The following TSPAN1 variants were observed in gnomAD, a reference collection of about 807,000 sequenced individuals.
The protein encoded by TSPAN1 is tetraspanin 1, also known as tetraspanin-1.
Under a neutral mutation model 26.9 loss-of-function variants are expected in TSPAN1, and 23 were observed. The observed-to-expected ratio is 0.85, with a 90% CI of 0.62 to 1.21. The LOEUF (loss-of-function observed/expected upper bound fraction) is 1.21, where lower values mean the gene tolerates loss of function less well. Ranked by LOEUF, TSPAN1 falls within the 50% of genes most tolerant of loss-of-function variation. The probability of loss-of-function intolerance (pLI) is 0.00; values close to 1 mark genes in which losing one functional copy is unlikely to be tolerated. For missense variants in TSPAN1, 283 were observed against 298.4 expected (o/e 0.95, Z 0.38); for synonymous variants, 115 against 114.8 (o/e 1.00, Z -0.01).
downstream of TSPAN1, chr1:46,189,835 G>T (rs374338433): frequency 2.4e-5 from 38 of 1,613,348 alleles, no homozygotes; most frequent in Non-Finnish European, 2.9e-5. Context: ...TCTCCAGGGT[G>T]GGCATGGTAT....
chr1:46,178,366 A>AC (rs1415506274), intron 1 of TSPAN1, among the ~76,000 whole-genome samples: 6 of 151,390 alleles, frequency 4.0e-5, no homozygotes, highest in African/African-American at 1.5e-4. Context: ...AAAAAAAAAA[A>AC]AATAGACCTT....
intron 1 of TSPAN1, 68 bp downstream of exon 1, chr1:46,175,477 A>C: frequency 2.5e-6 from 1 of 396,788 alleles, no homozygotes; most frequent in Non-Finnish European, 4.4e-6. Context: ...TCTGTGTGGA[A>C]TAAGGCAGTT....
intron 1 of TSPAN1, chr1:46,176,547 G>A (rs1195405416): frequency 6.7e-6 from 10 of 1,491,282 alleles, no homozygotes; most frequent in Non-Finnish European, 5.4e-6. Context: ...GACATACAAA[G>A]TCTGCATAAG....
the TSPAN1 span, chr1:46,192,489 C>A: frequency 6.2e-7 from 1 of 1,614,150 alleles, no homozygotes; most frequent in South Asian, 1.1e-5. Flanking sequence ...CATAAACTCG[C>A]CTGCTAAACC....
the TSPAN1 span, chr1:46,193,338 A>G: frequency 4.8e-5 from 77 of 1,613,516 alleles, no homozygotes; most frequent in South Asian, 8.8e-5. Context: ...TGCTGATGGG[A>G]GTATGCTGGA....
downstream of TSPAN1, chr1:46,189,665 C>T (rs1052168666): frequency 3.4e-5 from 52 of 1,552,090 alleles, no homozygotes; most frequent in Non-Finnish European, 3.8e-5. Context: ...TCCTCAGAAA[C>T]CACCTCAATT....
downstream of TSPAN1, chr1:46,188,635 T>C: frequency 2.0e-6 from 3 of 1,531,850 alleles, no homozygotes; most frequent in Non-Finnish European, 1.8e-6. Flanking sequence ...TCTCCACCAC[T>C]TCCCTCCAGC....
chr1:46,190,446 C>T, downstream of TSPAN1: 1 of 1,562,540 alleles, frequency 6.4e-7, no homozygotes, highest in African/African-American at 1.4e-5. Context: ...TTGCTCCCTG[C>T]TACACCCCAA....
the TSPAN1 span, chr1:46,191,918 G>A: frequency 1.0e-6 from 1 of 1,004,792 alleles, no homozygotes; most frequent in South Asian, 1.5e-5. Flanking sequence ...ACAGGCGTGA[G>A]CCACCGCGCC....
chr1:46,195,295 T>G, the TSPAN1 span, among the ~76,000 whole-genome samples: 6 of 152,182 alleles, frequency 3.9e-5, no homozygotes, highest in African/African-American at 1.4e-4. Flanking sequence ...ATATGCCGTG[T>G]ACCTTCCCAC....
downstream of TSPAN1, among the ~76,000 whole-genome samples, chr1:46,187,984 G>C (rs1657474989): frequency 6.6e-6 from 1 of 152,098 alleles, no homozygotes; most frequent in Non-Finnish European, 1.5e-5. Flanking sequence ...CCTGACATTA[G>C]GCCCTTCACA....
intron 1 of TSPAN1, chr1:46,176,421 G>A: frequency 6.5e-7 from 1 of 1,535,768 alleles, no homozygotes. Context: ...TGCGGTAGGG[G>A]GAACGCATGC....
At chr1:46,195,637 G>C in the TSPAN1 span, 13 of 713,112 alleles carry the variant, frequency 1.8e-5, no homozygotes, top group Non-Finnish European at 2.8e-5. Flanking sequence ...GCATACAGCT[G>C]TTGCTCAATA....
chr1:46,185,101 G>C lies in TSPAN1; in HGVS notation c.580G>C (p.Asp194His). The C allele has an allele frequency of 6.2e-7, 1 of 1,614,176 alleles. No individual in the cohort carries two copies. The highest frequency in any genetic ancestry group is 8.5e-7 in the Non-Finnish European group (1 of 1,180,040). The change falls in exon 7 of 9, where the codon GAC becomes CAC. Residue 194 changes from aspartate (D) to histidine (H), a missense_variant. Transcript: ENST00000372003. ...AACCTGCACCAAGCAAAAGGCTCAC[G>C]ACCAAAAAGTAGAGGTGTGGGCTGG... ...NETCTKQKAH[D>H]QKVEGCFNQL...
At chr1:46,175,613 C>T in intron 1 of TSPAN1, 1 of 399,062 alleles carries the variant, frequency 2.5e-6, no homozygotes. Flanking sequence ...TCCCAGGTTG[C>T]CTGAGATGTC....
intron 2 of TSPAN1, among the ~76,000 whole-genome samples, 172 bp downstream of exon 2, chr1:46,180,830 G>T (rs1412179486): frequency 6.6e-6 from 1 of 152,114 alleles, no homozygotes; most frequent in Non-Finnish European, 1.5e-5. Context: ...CAGTGTGGGA[G>T]TCAGGCTGGG....
intron 1 of TSPAN1, among the ~76,000 whole-genome samples, chr1:46,178,380 C>T (rs1211903107): frequency 6.6e-6 from 1 of 151,546 alleles, no homozygotes; most frequent in Non-Finnish European, 1.5e-5. Flanking sequence ...AGACCTTCTC[C>T]TTCTCCTTCC....
downstream of TSPAN1, among the ~76,000 whole-genome samples, chr1:46,186,826 G>C (rs7513576): frequency 1 from 152,205 of 152,206 alleles, 76,102 homozygotes; most frequent in Non-Finnish European, 1. Context: ...CCTCGCCCGG[G>C]TAATTTTTTG....
chr1:46,185,171 G>A (rs915617135), intron 7 of TSPAN1, 54 bp from the exon 8 acceptor site: 51 of 1,614,006 alleles, frequency 3.2e-5, no homozygotes, highest in Middle Eastern at 1.6e-4. Context: ...AGTGGCAAAC[G>A]GGGATGGGAG....
Sources: allele counts gnomAD v4.1 joint callset (sites outside exome capture counted in the v4.1 genomes callset), GRCh38; gene constraint gnomAD v4.1.1; transcripts MANE v1.5; gene names NCBI Gene and HGNC (gene_info 2026-07-23, HGNC 2026-07-21).